Variants in PMFBP1 observed in about 807,000 individuals in gnomAD.
PMFBP1 encodes polyamine-modulated factor 1-binding protein 1.
Under a neutral mutation model 137.8 loss-of-function variants are expected in PMFBP1, and 131 were observed. That is an observed-to-expected ratio of 0.95 (90% CI 0.82 to 1.10). The LOEUF is 1.10. PMFBP1 is among the 50% of genes least tolerant of loss of function. The probability of loss-of-function intolerance (pLI) is 0.00; values close to 1 mark genes in which losing one functional copy is unlikely to be tolerated. For synonymous variants in PMFBP1, 490 were observed against 450.4 expected (o/e 1.09, Z -1.11); for missense variants, 1,199 against 1,175.4 (o/e 1.02, Z -0.29).
chr16:72,144,582 C>A (rs950204038), intron 5 of PMFBP1, among the ~76,000 whole-genome samples: 3 of 152,058 alleles, frequency 2.0e-5, no homozygotes, highest in African/African-American at 7.2e-5. Flanking sequence ...AAAATTCGAG[C>A]CTTATGTCAT....
chr16:72,184,328 C>G, the PMFBP1 span, among the ~76,000 whole-genome samples: 1 of 152,198 alleles, frequency 6.6e-6, no homozygotes, highest in East Asian at 1.9e-4. Flanking sequence ...TAACAACTGC[C>G]TTCTACACAG....
chr16:72,230,656 T>C, the PMFBP1 span, among the ~76,000 whole-genome samples: 9 of 152,194 alleles, frequency 5.9e-5, no homozygotes, highest in Non-Finnish European at 8.8e-5. Context: ...TTGGGAGTCA[T>C]GATCAACACT....
chr16:72,125,896 C>A, intron 15 of PMFBP1, 72 bp downstream of exon 15: 1 of 1,547,998 alleles, frequency 6.5e-7, no homozygotes, highest in Non-Finnish European at 8.8e-7. Flanking sequence ...AAATTGGCTC[C>A]TGTGCTTCTC....
chr16:72,152,473 G>A (rs1185480192), intron 4 of PMFBP1, among the ~76,000 whole-genome samples: 2 of 152,140 alleles, frequency 1.3e-5, no homozygotes, highest in Non-Finnish European at 2.9e-5. Context: ...TCCGGAAAGT[G>A]TCCTTAAAAG....
the PMFBP1 span, among the ~76,000 whole-genome samples, chr16:72,223,829 T>G: frequency 6.6e-6 from 1 of 152,180 alleles, no homozygotes; most frequent in Non-Finnish European, 1.5e-5. Context: ...ATATAATACA[T>G]GAAGAGAAAC....
chr16:72,238,148 T>TAG, the PMFBP1 span, among the ~76,000 whole-genome samples: 2 of 152,222 alleles, frequency 1.3e-5, no homozygotes, highest in African/African-American at 4.8e-5. Flanking sequence ...TTTATATATA[T>TAG]TCCTTTGGGT....
chr16:72,136,257 T>A (rs912768391), intron 9 of PMFBP1, among the ~76,000 whole-genome samples, 191 bp downstream of exon 9: 57 of 152,116 alleles, frequency 3.7e-4, no homozygotes, highest in Admixed American at 3.7e-3. Flanking sequence ...ATCAGATTCA[T>A]TTATTATGTA....
chr16:72,242,259 A>T, the PMFBP1 span, among the ~76,000 whole-genome samples: 2 of 152,276 alleles, frequency 1.3e-5, no homozygotes, highest in Non-Finnish European at 2.9e-5. Context: ...ACTAGATTAC[A>T]GAGCCCATCA....
chr16:72,169,055 A>G lies in PMFBP1; in HGVS notation c.12+2142T>C, dbSNP rs1433935817. Among the ~76,000 whole-genome samples, 4 of 152,312 alleles carry G rather than the reference A, an allele frequency of 2.6e-5. No individual in the cohort carries two copies. In the East Asian group the frequency reaches 7.7e-4, roughly 29 times the overall value. ...TTCAGAGCCCAAGAGCATTGCAAAG[A>G]TTCAAAATGGCAGCATTCCCAGGGA... On this transcript the variant is annotated intron_variant, in intron 2 of 20. Transcript: ENST00000237353.
chr16:72,150,087 G>A (rs2042878975), intron 5 of PMFBP1, among the ~76,000 whole-genome samples: 1 of 152,136 alleles, frequency 6.6e-6, no homozygotes, highest in African/African-American at 2.4e-5. Flanking sequence ...CAGGTGTTTC[G>A]ACTTTTCTTT....
intron 19 of PMFBP1, among the ~76,000 whole-genome samples, chr16:72,120,621 T>C (rs2042364192): frequency 6.6e-6 from 1 of 152,206 alleles, no homozygotes; most frequent in Admixed American, 6.5e-5. Context: ...ATCCCCATTT[T>C]ACAGATTAGG....
At chr16:72,231,442 A>G in the PMFBP1 span, among the ~76,000 whole-genome samples, 1 of 152,160 alleles carries the variant, frequency 6.6e-6, no homozygotes, top group Non-Finnish European at 1.5e-5. Flanking sequence ...TAAAGGGAAA[A>G]CAGTCTAAGT....
At chr16:72,242,963 T>A in the PMFBP1 span, among the ~76,000 whole-genome samples, 1,565 of 152,306 alleles carry the variant, frequency 0.01, 54 homozygotes, top group East Asian at 0.13. Flanking sequence ...CAGGGTGAGA[T>A]GTGTTGTATC....
upstream of PMFBP1, among the ~76,000 whole-genome samples, chr16:72,178,340 T>G (rs2043265518): frequency 6.6e-6 from 1 of 152,150 alleles, no homozygotes; most frequent in Non-Finnish European, 1.5e-5. Context: ...TTATTATTTT[T>G]CCCCACTATA....
chr16:72,159,288 G>A (rs1176036021), intron 3 of PMFBP1, among the ~76,000 whole-genome samples: 2 of 152,158 alleles, frequency 1.3e-5, no homozygotes, highest in Non-Finnish European at 2.9e-5. Context: ...TAAAGCTTCT[G>A]GTGGGAAATA....
the PMFBP1 span, among the ~76,000 whole-genome samples, chr16:72,217,867 A>G: frequency 6.6e-6 from 1 of 151,520 alleles, no homozygotes; most frequent in South Asian, 2.1e-4. Flanking sequence ...AACGTCCTAG[A>G]AAATCAACAG....
At chr16:72,216,931 C>T in the PMFBP1 span, among the ~76,000 whole-genome samples, 1 of 152,308 alleles carries the variant, frequency 6.6e-6, no homozygotes, top group South Asian at 2.1e-4. Context: ...TCTTTTAGTT[C>T]ATTGGGTGCC....
chr16:72,235,541 C>T, the PMFBP1 span, among the ~76,000 whole-genome samples: 1 of 147,344 alleles, frequency 6.8e-6, no homozygotes, highest in South Asian at 2.2e-4. Context: ...ATCAGCATAT[C>T]AATTTCTGAA....
At chr16:72,194,666 A>G in the PMFBP1 span, among the ~76,000 whole-genome samples, 1 of 152,184 alleles carries the variant, frequency 6.6e-6, no homozygotes, top group South Asian at 2.1e-4. Context: ...CATGGGAGTG[A>G]GAGAATCGGT....
Sources: gnomAD v4.1 joint callset for allele counts (sites outside exome capture counted in the v4.1 genomes callset) on GRCh38, gnomAD v4.1.1 for gene constraint, MANE v1.5 for transcripts, NCBI Gene and HGNC (gene_info 2026-07-23, HGNC 2026-07-21) for gene names.